Variants in MUC6 observed in about 807,000 individuals in gnomAD.
MUC6 encodes the protein mucin 6, oligomeric mucus/gel-forming (gene/pseudogene).
In MUC6, 188 loss-of-function variants were observed where a neutral mutation model predicts 201.5. That is an observed-to-expected ratio of 0.93 (90% CI 0.83 to 1.05). The LOEUF (loss-of-function observed/expected upper bound fraction) is 1.05. MUC6 is among the 50% of genes least tolerant of loss of function. The pLI is 0.00. For missense variants in MUC6, 2,706 were observed against 3,256.9 expected (o/e 0.83, Z 4.12); for synonymous variants, 1,228 against 1,389.4 (o/e 0.88, Z 2.58).
chr11:1,023,382 A>G, intron 26 of MUC6, 127 bp downstream of exon 26: 1 of 1,228,080 alleles, frequency 8.1e-7, no homozygotes, highest in Non-Finnish European at 1.1e-6. Context: ...GTGCAAATTA[A>G]TGAATGTGTG....
chr11:1,031,395 G>T (rs56263729), intron 4 of MUC6, 136 bp from the exon 5 acceptor site: 1 of 1,139,738 alleles, frequency 8.8e-7, no homozygotes, highest in Non-Finnish European at 1.2e-6. Context: ...CTTATGGGAG[G>T]CTAATTTTCC....
At position 1,030,264 on chromosome 11, in the gene MUC6, G is replaced by A. The variant is rs2133834378; in HGVS notation, c.964C>T (p.Pro322Ser). Residue 322 changes from proline (P) to serine (S), a missense_variant, in exon 8 of 33, where the codon CCG (proline) becomes TCG (serine). By Grantham distance (74) the Pro-to-Ser change is moderately conservative. Transcript: ENST00000421673. ...CAGGAGCTGGAGCAGCTGTGCTGCG[G>A]GTTGGAGCAGGTCTTCACGCAGGCC... Reference protein sequence around the residue: ...GSACVKTCSNPQHSCSSSCTF... With the variant: ...GSACVKTCSNSQHSCSSSCTF... 6.5e-7 allele frequency: 1 copy of A among 1,550,228 alleles called. No homozygotes were observed. Among genetic ancestry groups the A allele is most frequent in the Admixed American group, 2.0e-5 (1 of 51,044 alleles).
In MUC6 at chr11:1,031,794, C is replaced by T. The variant is rs767528241; in HGVS notation, c.356+19G>A. On this transcript the variant is annotated intron_variant, in intron 3 of 32. Transcript: ENST00000421673. ...TCCTCCGGCCCCCGAGCCCCCGGGC[C>T]CCGGCCCACCTGACCTACCCGATGT... 16 of 1,574,814 alleles carry T rather than the reference C, an allele frequency of 1.0e-5. No homozygotes were observed. In the Admixed American group the frequency reaches 2.4e-4, roughly 24 times the overall value.
chr11:1,014,161 T>C lies in MUC6; in HGVS notation c.7040-160A>G, dbSNP rs374461175. Among the ~76,000 whole-genome samples the C allele has an allele frequency of 2.1e-4, 32 of 152,324 alleles. 1 individual carries two copies. The South Asian group carries it at 6.6e-3, about 32-fold the overall frequency. ...CCCCACAGAGCTCAGACCTCAGCCA[T>C]ACACAAAGGCAAAGGCCAGCCGCAT... On this transcript the variant is annotated intron_variant, in intron 31 of 32. Coordinates refer to ENST00000421673, the MANE Select transcript of MUC6 (RefSeq NM_005961.3).
At chr11:1,015,616 C>T (rs748322177) in intron 31 of MUC6, 146 bp downstream of exon 31, 32 of 1,347,844 alleles carry the variant, frequency 2.4e-5, no homozygotes, top group South Asian at 4.2e-5. Flanking sequence ...AGAGTGGAAA[C>T]GCCTGGCAGG....
At position 1,018,579 on chromosome 11, in the gene MUC6, AGTGTGTG is replaced by A. The variant is rs1201317234; in HGVS notation, c.4215_4221del (p.Thr1406ProfsTer48). 2.5e-6 allele frequency: 4 copies of A among 1,611,634 alleles called. No individual in the cohort carries two copies. The highest frequency in any genetic ancestry group is 3.4e-6 in the Non-Finnish European group (4 of 1,179,220). ...ACGGGACTCCCCGCCGTAGGCGGGG[AGTGTGTG>A]GTGTGTGGGGTTTGGGGCGTTGTGT... is the stretch of plus-strand genomic sequence containing the variant. On this transcript the variant is annotated frameshift_variant, in exon 31 of 33. Transcript: ENST00000421673. LOFTEE classifies it high-confidence loss of function.
In MUC6 at chr11:1,024,127, T is replaced by C. The variant is rs1266411854; in HGVS notation, c.3226-24A>G. 5.0e-6 allele frequency: 8 copies of C among 1,602,432 alleles called. No individual in the cohort carries two copies. The African/African-American group carries it at 6.7e-5, about 13-fold the overall frequency. On this transcript the variant is annotated intron_variant, in intron 24 of 32. Transcript: ENST00000421673. ...ACCTGCAGGGGTGTGTGCCAGTCAG[T>C]GTCTGGCTGCCGGGGGATGGCGGGG...
rs772873461 is a variant in MUC6, at chr11:1,030,283, G to A, written c.945C>T (p.Cys315=). 1.5e-5 allele frequency: 23 copies of A among 1,549,604 alleles called. No individual in the cohort carries two copies. The Admixed American group carries it at 1.8e-4, about 12-fold the overall frequency. The part of the protein sequence containing the change: ...NQVYQECGSA[C]VKTCSNPQHS... ...GCTGCGGGTTGGAGCAGGTCTTCAC[G>A]CAGGCCGAGCCGCACTCCTGGTACA... is the stretch of plus-strand genomic sequence containing the variant. Residue 315 remains cysteine, a synonymous_variant, in exon 8 of 33, where the codon TGC becomes TGT. Transcript: ENST00000421673.
In MUC6 at chr11:1,028,945, GA is replaced by G; in HGVS notation, c.1396del (p.Ser466LeufsTer115). ...GTTGTTGGTGACCACCTCGTCCTGA[GA>G]GATCACAATTTTGTCCTGGAGAGAG... ...YLSRQDKIVI[S>X]QDEVVTNNGE... On this transcript the variant is annotated frameshift_variant, in exon 12 of 33. Coordinates refer to ENST00000421673, the MANE Select transcript of MUC6 (RefSeq NM_005961.3). LOFTEE classifies it high-confidence loss of function. 1 of 1,613,136 alleles carries G rather than the reference GA, an allele frequency of 6.2e-7. No homozygotes were observed. The highest frequency in any genetic ancestry group is 8.5e-7 in the Non-Finnish European group (1 of 1,179,894).
At position 1,013,333 on chromosome 11, in the gene MUC6, C is replaced by T; in HGVS notation, c.*123G>A. 8.9e-7 allele frequency: 1 copy of T among 1,128,224 alleles called. No homozygotes were observed. The highest frequency in any genetic ancestry group is 1.2e-6 in the Non-Finnish European group (1 of 810,848). 69.9% of individuals were successfully genotyped at this position (1,128,224 alleles called of 1,614,324 possible). A position where few individuals can be genotyped will look rare whatever the true frequency, so the allele number is the denominator to read the frequency against. ...CCCCAGGGAGCCACGGCCCAGGGCACTTGGGGGCCAGGCCTGGTGACCAGG... is the reference window on the plus strand; with the variant it reads ...CCCCAGGGAGCCACGGCCCAGGGCATTTGGGGGCCAGGCCTGGTGACCAGG... On this transcript the variant is annotated 3_prime_UTR_variant, in exon 33 of 33. Transcript: ENST00000421673.
chr11:1,032,200 C>T (rs1370894954), intron 2 of MUC6, 147 bp from the exon 3 acceptor site: 1 of 1,117,472 alleles, frequency 8.9e-7, no homozygotes, highest in African/African-American at 1.6e-5. Flanking sequence ...TCCGATGAAC[C>T]TGAGTGCTAT....
rs1485811980 is a variant in MUC6, at chr11:1,028,711, A to G, written c.1526T>C (p.Val509Ala). The G allele has an allele frequency of 6.2e-6, 10 of 1,611,974 alleles. No homozygotes were observed. The highest frequency in any genetic ancestry group is 8.5e-6 in the Non-Finnish European group (10 of 1,179,522). Residue 509 changes from valine (V) to alanine (A), a missense_variant, in exon 13 of 33, where the codon GTC becomes GCC. Val to Ala is a moderately conservative substitution (Grantham distance 64). Transcript: ENST00000421673. Reference sequence around the variant, plus strand: ...GGCCTGGAAGATGGGGCGCAGCTGGACCACGAGCTCCAGCCCGAAGCTGGT... The same window carrying G: ...GGCCTGGAAGATGGGGCGCAGCTGGGCCACGAGCTCCAGCCCGAAGCTGGT... Reference protein sequence around the residue: ...MATSFGLELVVQLRPIFQAYV... With the variant: ...MATSFGLELVAQLRPIFQAYV...
intron 21 of MUC6, 26 bp downstream of exon 21, chr11:1,025,974 C>T: frequency 1.3e-6 from 2 of 1,589,030 alleles, no homozygotes; most frequent in Non-Finnish European, 1.7e-6. Flanking sequence ...GTCCCCGGCC[C>T]CTGCGGCCTG....
In MUC6 at chr11:1,033,262, C is replaced by T. The variant is rs1203263781; in HGVS notation, c.53-187G>A. 63 of 601,378 alleles carry T rather than the reference C, an allele frequency of 1.0e-4. No homozygotes were observed. In the East Asian group the frequency reaches 1.1e-3, roughly 10 times the overall value. 37.3% of individuals were successfully genotyped at this position (601,378 alleles called of 1,614,324 possible). The stretch of plus-strand genomic sequence containing the variant: ...GCTTGGCCTCCCATGCTGTCCTTCA[C>T]GAGCCCCAGCTTCCTTCCCTGCTCT... On this transcript the variant is annotated intron_variant, in intron 1 of 32. Transcript: ENST00000421673. The surrounding 1 kb of genome is among the most constrained non-coding windows in gnomAD (Gnocchi z 5.6).
Position 1,027,184 on chromosome 11 carries a change from G to C in MUC6, c.2241C>G (p.Ile747Met). Residue 747 changes from isoleucine to methionine, a missense_variant, in exon 18 of 33, where the codon ATC becomes ATG. By Grantham distance (10) the Ile-to-Met change is conservative. Transcript: ENST00000421673. The part of the protein sequence containing the change: ...TVINGITCHC[I>M]NGRLSCPQRP... Reference sequence around the variant, plus strand: ...GCTGCGGGCAACTCAGCCGCCCGTTGATGCAGTGGCTGCAAGAGAGAGGCT... The same window carrying C: ...GCTGCGGGCAACTCAGCCGCCCGTTCATGCAGTGGCTGCAAGAGAGAGGCT... 1 of 1,612,448 alleles carries C rather than the reference G, an allele frequency of 6.2e-7. No individual in the cohort carries two copies. Among genetic ancestry groups the C allele is most frequent in the Non-Finnish European group, 8.5e-7 (1 of 1,179,706 alleles).
chr11:1,035,784 G>A (rs1857203192), intron 1 of MUC6, among the ~76,000 whole-genome samples: 2 of 152,130 alleles, frequency 1.3e-5, no homozygotes, highest in African/African-American at 4.8e-5. Flanking sequence ...GGGGGCTCCC[G>A]GCTGTGGAGG....
intron 27 of MUC6, 42 bp downstream of exon 27, chr11:1,021,173 G>T (rs919719824): frequency 1.3e-6 from 2 of 1,515,448 alleles, no homozygotes; most frequent in Admixed American, 2.3e-5. Flanking sequence ...CTGCCTGCAT[G>T]CAGGCAGGGG....
chr11:1,032,985 G>T, intron 2 of MUC6, 28 bp downstream of exon 2: 1 of 1,562,560 alleles, frequency 6.4e-7, no homozygotes, highest in Non-Finnish European at 8.7e-7. Context: ...GGTCTGGGCG[G>T]CAGGATCAGT....
Position 1,025,193 on chromosome 11 carries a change from G to A in MUC6, c.2974C>T (p.Arg992Cys). 10 of 1,611,862 alleles carry A rather than the reference G, an allele frequency of 6.2e-6. No homozygotes were observed. The highest frequency in any genetic ancestry group is 1.1e-5 in the South Asian group (1 of 91,078). ...AGGGCGTGCGGTACCTGGGAGGCACGGGCGATCCTGATGAGGATGGTCATG... is the reference window on the plus strand; with the variant it reads ...AGGGCGTGCGGTACCTGGGAGGCACAGGCGATCCTGATGAGGATGGTCATG... ...RHMTILIRIA[R>C]ASQDPLCGLC... The change falls in exon 23 of 33, where the codon CGT becomes TGT. Residue 992 changes from arginine (R) to cysteine (C), a missense_variant. Physicochemically the swap from Arg to Cys is radical, Grantham distance 180. Transcript: ENST00000421673.
Sources: gnomAD v4.1 joint callset for allele counts (sites outside exome capture counted in the v4.1 genomes callset) on GRCh38, gnomAD v4.1.1 for gene constraint, Gnocchi (gnomAD v3.1) non-coding constraint, MANE v1.5 for transcripts, NCBI Gene and HGNC (gene_info 2026-07-23, HGNC 2026-07-21) for gene names.